Variants in SORCS3 observed in about 807,000 individuals in gnomAD.
SORCS3 encodes the protein VPS10 domain-containing receptor SorCS3.
Under a neutral mutation model 146.3 loss-of-function variants are expected in SORCS3, and 57 were observed. That is an observed-to-expected ratio of 0.39 (90% CI 0.31 to 0.49). The LOEUF (loss-of-function observed/expected upper bound fraction) is 0.49. Ranked by LOEUF, SORCS3 falls within the 20% of genes least tolerant of loss-of-function variation. SORCS3 has a pLI of 0.92. For missense variants in SORCS3, 1,341 were observed against 1,575.5 expected, an observed-to-expected ratio of 0.85 and a Z score of 2.52; for synonymous variants, 653 against 618.5, an observed-to-expected ratio of 1.06 and a Z score of -0.83.
chr10:104,667,303 C>T (rs1249559219), intron 1 of SORCS3, among the ~76,000 whole-genome samples: 8 of 149,908 alleles, frequency 5.3e-5, no homozygotes, highest in Non-Finnish European at 1.5e-5. Context: ...CTGCTTTTCT[C>T]TGCCTATGCC....
intron 4 of SORCS3, among the ~76,000 whole-genome samples, chr10:105,030,210 TC>T (rs2055256270): frequency 6.6e-6 from 1 of 152,218 alleles, no homozygotes; most frequent in African/African-American, 2.4e-5. Flanking sequence ...TCATTATTGC[TC>T]ACATATATAT....
chr10:104,961,312 T>A (rs2054794011), intron 3 of SORCS3, among the ~76,000 whole-genome samples: 1 of 152,224 alleles, frequency 6.6e-6, no homozygotes. Context: ...CCAACTCACA[T>A]GTCTTCATCC....
In SORCS3 at chr10:104,701,311, C is replaced by T. The variant is rs151281561; in HGVS notation, c.627+59357C>T. Among the ~76,000 whole-genome samples the T allele has an allele frequency of 4.5e-3, 687 of 152,300 alleles. 8 individuals are homozygous for T. Among genetic ancestry groups the T allele is most frequent in the African/African-American group, 0.015 (626 of 41,566 alleles). On this transcript the variant is annotated intron_variant, in intron 1 of 26. Coordinates refer to ENST00000369701, the MANE Select transcript of SORCS3 (RefSeq NM_014978.3). The stretch of plus-strand genomic sequence containing the variant: ...TCTGATTTTCTCCATTTGGCTGATA[C>T]AGGAAGTAGTACATAGGAGGGTTAA...
intron 4 of SORCS3, among the ~76,000 whole-genome samples, chr10:105,000,142 G>T (rs943525801): frequency 6.6e-6 from 1 of 151,990 alleles, no homozygotes; most frequent in African/African-American, 2.4e-5. Context: ...AAAAAGACAA[G>T]GACAGAATCC....
At chr10:105,030,577 A>G (rs1244496056) in intron 4 of SORCS3, among the ~76,000 whole-genome samples, 1 of 151,280 alleles carries the variant, frequency 6.6e-6, no homozygotes, top group Non-Finnish European at 1.5e-5. Flanking sequence ...TAGCTCTCCA[A>G]AGAAGATGCT....
chr10:104,667,007 G>C (rs1257547850), intron 1 of SORCS3, among the ~76,000 whole-genome samples: 1 of 152,108 alleles, frequency 6.6e-6, no homozygotes, highest in Non-Finnish European at 1.5e-5. Context: ...GAGAGAGAGA[G>C]AGAGGAGAGA....
intron 14 of SORCS3, among the ~76,000 whole-genome samples, chr10:105,197,413 C>T (rs945389506): frequency 1.3e-5 from 2 of 152,162 alleles, no homozygotes; most frequent in African/African-American, 4.8e-5. Context: ...TCATACTTCA[C>T]CACCACTACC....
chr10:104,889,237 C>T (rs1228122996), intron 2 of SORCS3, among the ~76,000 whole-genome samples: 1 of 146,476 alleles, frequency 6.8e-6, no homozygotes, highest in African/African-American at 2.5e-5. Flanking sequence ...CTAAAGGCTC[C>T]AGTGAGGAGT....
At chr10:104,818,203 G>A (rs1035169792) in intron 1 of SORCS3, among the ~76,000 whole-genome samples, 1 of 152,088 alleles carries the variant, frequency 6.6e-6, no homozygotes, top group Non-Finnish European at 1.5e-5. Flanking sequence ...TGAGCTGGTG[G>A]CAGTTGTTTG....
In SORCS3 at chr10:105,263,506, C is replaced by A. The variant is rs41291856; in HGVS notation, c.*132C>A. The A allele has an allele frequency of 1.3e-6, 1 of 790,996 alleles. No homozygotes were observed. Among genetic ancestry groups the A allele is most frequent in the Non-Finnish European group, 2.0e-6 (1 of 489,578 alleles). 49.0% of individuals were successfully genotyped at this position (790,996 alleles called of 1,614,324 possible). ...CAAGGGCCCCTTCATAAATAGCAGG[C>A]AAATGCCTAGCTTTGGGAGAAAAGG... On this transcript the variant is annotated 3_prime_UTR_variant, in exon 27 of 27. Coordinates refer to ENST00000369701, the MANE Select transcript of SORCS3 (RefSeq NM_014978.3).
chr10:105,198,240 T>A (rs1032681637), intron 14 of SORCS3, among the ~76,000 whole-genome samples: 7 of 151,992 alleles, frequency 4.6e-5, no homozygotes, highest in South Asian at 4.1e-4. Flanking sequence ...CTATGTGGAG[T>A]CAACAGAAAT....
chr10:105,045,858 C>T (rs915572237), intron 5 of SORCS3, among the ~76,000 whole-genome samples: 3 of 152,256 alleles, frequency 2.0e-5, no homozygotes, highest in Admixed American at 6.5e-5. Flanking sequence ...TACTCAAGAA[C>T]ATGTCACATA....
intron 2 of SORCS3, among the ~76,000 whole-genome samples, chr10:104,870,652 CA>C (rs1435405982): frequency 9.2e-5 from 14 of 152,030 alleles, no homozygotes; most frequent in Non-Finnish European, 1.9e-4. Context: ...TCAGGATAAC[CA>C]GGGGAGTGGA....
At chr10:104,921,240 C>T (rs577806932) in intron 3 of SORCS3, among the ~76,000 whole-genome samples, 73 of 152,316 alleles carry the variant, frequency 4.8e-4, no homozygotes, top group African/African-American at 1.8e-3. Flanking sequence ...GTCTGCTGTG[C>T]TTTGTAAAAA....
intron 5 of SORCS3, among the ~76,000 whole-genome samples, chr10:105,057,780 C>T (rs1037214849): frequency 3.9e-5 from 6 of 152,192 alleles, no homozygotes; most frequent in Non-Finnish European, 1.5e-5. Flanking sequence ...TATTGCTTGT[C>T]AAAGGCACTG....
chr10:105,070,038 G>A (rs1463321368), intron 5 of SORCS3, among the ~76,000 whole-genome samples: 2 of 152,182 alleles, frequency 1.3e-5, no homozygotes, highest in South Asian at 2.1e-4. Flanking sequence ...TCTGACTGGA[G>A]TCAGTGAGCT....
rs1198107824 is a variant in SORCS3, at chr10:105,201,172, G to A, written c.2180G>A (p.Gly727Glu). Residue 727 changes from glycine (G) to glutamate (E), a missense_variant, in exon 16 of 27, where the codon GGA (glycine) becomes GAA (glutamate). Coordinates refer to ENST00000369701, the MANE Select transcript of SORCS3 (RefSeq NM_014978.3). ...ERKIFKKRKP[G>E]AQCALGRDHS... ...AAAATATTCAAGAAACGTAAGCCAG[G>A]AGCTCAGTGTGCCCTGGGCCGAGAC... 6.2e-7 allele frequency: 1 copy of A among 1,612,932 alleles called. No individual in the cohort carries two copies. Among genetic ancestry groups the A allele is most frequent in the African/African-American group, 1.3e-5 (1 of 74,988 alleles).
At chr10:105,094,736 A>C (rs1170909563) in intron 6 of SORCS3, among the ~76,000 whole-genome samples, 1 of 152,216 alleles carries the variant, frequency 6.6e-6, no homozygotes, top group Non-Finnish European at 1.5e-5. Flanking sequence ...AGTTAGGGGA[A>C]CCATCTCAGA....
At chr10:104,830,922 C>T (rs11192200) in intron 1 of SORCS3, among the ~76,000 whole-genome samples, 14,998 of 152,230 alleles carry the variant, frequency 0.099, 921 homozygotes, top group South Asian at 0.24. Flanking sequence ...AGTGTTCCTC[C>T]TGCCTCAGCC....
Sources: gnomAD v4.1 joint callset for allele counts (sites outside exome capture counted in the v4.1 genomes callset) on GRCh38, gnomAD v4.1.1 for gene constraint, MANE v1.5 for transcripts, NCBI Gene and HGNC (gene_info 2026-07-23, HGNC 2026-07-21) for gene names.